Variants in LMBR1 observed in about 807,000 individuals in gnomAD.
The protein encoded by LMBR1 is limb development membrane protein 1.
A neutral mutation model predicts 73.9 loss-of-function variants in LMBR1; 52 were observed. The ratio of observed to expected loss-of-function variants is 0.70; its 90% confidence interval spans 0.56 to 0.89. The LOEUF (loss-of-function observed/expected upper bound fraction) is 0.89, where lower values mean the gene tolerates loss of function less well. Among genes scored for constraint, LMBR1 ranks in the 40% least tolerant of loss-of-function variants. The pLI is 0.00. For missense variants in LMBR1, 539 were observed against 579.8 expected, an observed-to-expected ratio of 0.93 and a Z score of 0.72; for synonymous variants, 215 against 209.4, an observed-to-expected ratio of 1.03 and a Z score of -0.23.
At chr7:156,764,470 T>C (rs995457187) in intron 5 of LMBR1, among the ~76,000 whole-genome samples, 1 of 152,146 alleles carries the variant, frequency 6.6e-6, no homozygotes, top group South Asian at 2.1e-4. Context: ...GGCCAGACTT[T>C]TAAAACTTAA....
At chr7:156,786,708 C>T (rs1828174484) in intron 5 of LMBR1, among the ~76,000 whole-genome samples, 1 of 152,058 alleles carries the variant, frequency 6.6e-6, no homozygotes, top group African/African-American at 2.4e-5. Flanking sequence ...TTTGGGCCTG[C>T]TTATATAATG....
intron 1 of LMBR1, among the ~76,000 whole-genome samples, chr7:156,880,360 A>G (rs961223363): frequency 6.6e-6 from 1 of 152,122 alleles, no homozygotes; most frequent in African/African-American, 2.4e-5. Flanking sequence ...AGGGTGGGAA[A>G]GGGGTGAGGG....
chr7:156,714,878 GC>G (rs1812869458), intron 15 of LMBR1, among the ~76,000 whole-genome samples: 1 of 152,096 alleles, frequency 6.6e-6, no homozygotes, highest in African/African-American at 2.4e-5. Context: ...AGACTGCCAC[GC>G]CAAGGAAACG....
At chr7:156,743,722 A>G (rs1359328689) in intron 9 of LMBR1, among the ~76,000 whole-genome samples, 1 of 152,164 alleles carries the variant, frequency 6.6e-6, no homozygotes, top group African/African-American at 2.4e-5. Flanking sequence ...TGGCAGTTCA[A>G]TGGTTACTTT....
chr7:156,749,316 T>C (rs566520230), intron 9 of LMBR1, among the ~76,000 whole-genome samples: 2 of 152,278 alleles, frequency 1.3e-5, no homozygotes, highest in South Asian at 2.1e-4. Context: ...ATGACCAAAT[T>C]AGCAAATCAC....
chr7:156,846,069 C>T (rs1394070799), intron 1 of LMBR1, among the ~76,000 whole-genome samples: 2 of 151,810 alleles, frequency 1.3e-5, no homozygotes, highest in East Asian at 1.9e-4. Flanking sequence ...GATCACTTAA[C>T]GACACCCTGG....
intron 5 of LMBR1, among the ~76,000 whole-genome samples, chr7:156,776,987 A>G (rs1429489000): frequency 6.7e-6 from 1 of 150,308 alleles, no homozygotes; most frequent in Non-Finnish European, 1.5e-5. Flanking sequence ...GCTGGAGCGC[A>G]GTGGCACGAT....
intron 15 of LMBR1, among the ~76,000 whole-genome samples, chr7:156,713,022 A>T (rs1318644438): frequency 6.6e-6 from 1 of 152,264 alleles, no homozygotes; most frequent in Non-Finnish European, 1.5e-5. Flanking sequence ...AAAATAAATT[A>T]AACTGTGGTA....
intron 10 of LMBR1, among the ~76,000 whole-genome samples, chr7:156,733,458 C>G (rs551274004): frequency 6.6e-6 from 1 of 151,952 alleles, no homozygotes; most frequent in Admixed American, 6.5e-5. Context: ...AGATACAAAA[C>G]AGGCCCAAAC....
rs191619984 is a variant in LMBR1, at chr7:156,768,354, G to A, written c.424-4559C>T. 3.1e-3 allele frequency among the ~76,000 whole-genome samples: 468 copies of A among 151,338 alleles called. 1 individual carries two copies. Among genetic ancestry groups the A allele is most frequent in the Admixed American group, 5.4e-3 (82 of 15,224 alleles). On this transcript the variant is annotated intron_variant, in intron 5 of 16. Coordinates refer to ENST00000353442, the MANE Select transcript of LMBR1 (RefSeq NM_022458.4). ...TCTAGCCTGGGCAACAGAGTGACTC[G>A]GTCTCAAAAAAAAACAAAAAAGTAA...
chr7:156,869,268 G>T (rs1442621809), intron 1 of LMBR1, among the ~76,000 whole-genome samples: 5 of 151,782 alleles, frequency 3.3e-5, no homozygotes, highest in Admixed American at 2.6e-4. Context: ...AAAACCCTAA[G>T]ATCATCAAGA....
chr7:156,718,002 T>G (rs1813600114), intron 15 of LMBR1, among the ~76,000 whole-genome samples: 1 of 152,202 alleles, frequency 6.6e-6, no homozygotes, highest in African/African-American at 2.4e-5. Context: ...GGACTATTTA[T>G]TTATGCATTC....
chr7:156,773,153 A>C (rs763360937), intron 5 of LMBR1, among the ~76,000 whole-genome samples: 21 of 152,174 alleles, frequency 1.4e-4, no homozygotes, highest in Non-Finnish European at 2.9e-4. Flanking sequence ...GGGAGGTGAA[A>C]GGTCTCTACA....
chr7:156,818,310 A>G (rs768735685), intron 4 of LMBR1, among the ~76,000 whole-genome samples: 2 of 152,222 alleles, frequency 1.3e-5, no homozygotes, highest in Non-Finnish European at 2.9e-5. Context: ...AATAAAGCAC[A>G]CAGTCCTTGC....
At chr7:156,734,320 C>T (rs1218356338) in intron 9 of LMBR1, 63 bp from the exon 10 acceptor site, 1 of 1,017,568 alleles carries the variant, frequency 9.8e-7, no homozygotes, top group Non-Finnish European at 1.4e-6. Context: ...AACAGGTAGC[C>T]CTTTAATTAA....
At chr7:156,753,765 C>T (rs1472849857) in intron 9 of LMBR1, among the ~76,000 whole-genome samples, 7 of 152,038 alleles carry the variant, frequency 4.6e-5, no homozygotes, top group Admixed American at 3.9e-4. Context: ...AGGGGAAGGC[C>T]GCCTGCCGAG....
intron 1 of LMBR1, among the ~76,000 whole-genome samples, chr7:156,839,508 T>C (rs75772961): frequency 0.032 from 4,846 of 150,760 alleles, 125 homozygotes; most frequent in South Asian, 0.086. Context: ...TTGTGGAACA[T>C]GGAAAAAAAA....
rs1804475976 is a variant in LMBR1 at position 156,678,616 on chromosome 7, G to A, written c.*5462C>T. 2.0e-5 allele frequency: 3 copies of A among 152,090 alleles called. No individual in the cohort carries two copies. The highest frequency in any genetic ancestry group is 2.0e-4 in the Admixed American group (3 of 15,262). The allele number at this position is 152,090 out of a possible 1,614,324, so 9.4% of individuals were successfully genotyped here. On this transcript the variant is annotated 3_prime_UTR_variant, in exon 17 of 17. Transcript: ENST00000353442. ...TGGGACACTGACCAAGAAAGAGTGG[G>A]GCCTTTGGAAACATGAGTTCATGGG...
chr7:156,708,601 A>T (rs555413388), intron 15 of LMBR1, among the ~76,000 whole-genome samples: 1 of 149,182 alleles, frequency 6.7e-6, no homozygotes, highest in South Asian at 2.1e-4. Context: ...GAAGCTTCCA[A>T]CTGAAATTTG....
Sources: gnomAD v4.1 joint callset for allele counts (sites outside exome capture counted in the v4.1 genomes callset) on GRCh38, gnomAD v4.1.1 for gene constraint, MANE v1.5 for transcripts, NCBI Gene and HGNC (gene_info 2026-07-23, HGNC 2026-07-21) for gene names.